Variants in ZNF695 observed in about 807,000 individuals in gnomAD.
The protein encoded by ZNF695 is zinc finger protein SBZF3.
ZNF695 carries 11 observed loss-of-function variants against 11.2 expected under a neutral mutation model. That is an observed-to-expected ratio of 0.98 (90% CI 0.62 to 1.62). ZNF695 has a LOEUF of 1.62. ZNF695 is among the 40% of genes most tolerant of loss of function. The pLI is 0.00. For missense variants in ZNF695, 559 were observed against 590.5 expected, an observed-to-expected ratio of 0.95 and a Z score of 0.55; for synonymous variants, 190 against 201.4, an observed-to-expected ratio of 0.94 and a Z score of 0.48.
chr1:246,990,733 G>A (rs527910938), intron 3 of ZNF695, among the ~76,000 whole-genome samples: 56 of 152,104 alleles, frequency 3.7e-4, no homozygotes, highest in African/African-American at 1.3e-3. Flanking sequence ...AAGTCTTAAA[G>A]CATCCAAAAA....
At chr1:246,998,706 G>T (rs992281531) in intron 3 of ZNF695, among the ~76,000 whole-genome samples, 1 of 152,194 alleles carries the variant, frequency 6.6e-6, no homozygotes, top group African/African-American at 2.4e-5. Context: ...GGTGGCTCAC[G>T]CCTGTAATCC....
chr1:246,957,273 C>T lies in ZNF695; in HGVS notation c.488+10422G>A, dbSNP rs1572505505. On this transcript the variant is annotated intron_variant, in intron 5 of 5. Coordinates refer to the ZNF695 transcript ENST00000487338. Reference sequence around the variant, plus strand: ...TGGTGCACTCCTGTAGTCCCAGCTACTCGGGAGGCTGAGGCAGGAGAATCG... The same window carrying T: ...TGGTGCACTCCTGTAGTCCCAGCTATTCGGGAGGCTGAGGCAGGAGAATCG... Among the ~76,000 whole-genome samples, 4 of 151,904 alleles carry T rather than the reference C, an allele frequency of 2.6e-5. No homozygotes were observed. In the South Asian group the frequency reaches 8.3e-4, roughly 32 times the overall value.
intron 4 of ZNF695, among the ~76,000 whole-genome samples, chr1:246,971,821 G>C (rs983240619): frequency 6.6e-6 from 1 of 152,022 alleles, no homozygotes; most frequent in Non-Finnish European, 1.5e-5. Flanking sequence ...TTGTGCCCTT[G>C]GTCTCTTGCC....
At chr1:246,945,697 A>C in exon 6 of ZNF695, 1 of 1,274,424 alleles carries the variant, frequency 7.8e-7, no homozygotes, top group Admixed American at 2.1e-5. Flanking sequence ...GTTTTAATTC[A>C]GAACTCGGGC....
At chr1:247,003,572 C>T (rs1669451642) in intron 1 of ZNF695, among the ~76,000 whole-genome samples, 1 of 152,004 alleles carries the variant, frequency 6.6e-6, no homozygotes, top group Non-Finnish European at 1.5e-5. Context: ...AACAAACCTG[C>T]ACACATACTC....
At chr1:247,003,603 T>C (rs1450688733) in intron 1 of ZNF695, among the ~76,000 whole-genome samples, 1 of 152,100 alleles carries the variant, frequency 6.6e-6, no homozygotes, top group Non-Finnish European at 1.5e-5. Context: ...AAATAAACAT[T>C]GGAAAAGAAA....
intron 5 of ZNF695, chr1:246,945,971 C>T (rs1667724480): frequency 5.8e-6 from 6 of 1,035,456 alleles, no homozygotes; most frequent in African/African-American, 1.6e-5. Context: ...TTCAAATTCA[C>T]GCAGGTGTGA....
intron 5 of ZNF695, among the ~76,000 whole-genome samples, chr1:246,960,488 C>T (rs1378033298): frequency 6.6e-6 from 1 of 152,134 alleles, no homozygotes; most frequent in East Asian, 1.9e-4. Flanking sequence ...TACCTATGTT[C>T]TCTCTCTATA....
downstream of ZNF695, among the ~76,000 whole-genome samples, chr1:246,984,506 C>T (rs1187582137): frequency 1.3e-5 from 2 of 152,148 alleles, no homozygotes; most frequent in African/African-American, 2.4e-5. Context: ...GCCACAACTT[C>T]ACTCCAAAAA....
intron 5 of ZNF695, among the ~76,000 whole-genome samples, chr1:246,965,650 T>C (rs1668270783): frequency 6.6e-6 from 1 of 151,920 alleles, no homozygotes; most frequent in African/African-American, 2.4e-5. Flanking sequence ...TGCAGGAGAA[T>C]CGCTTGAACC....
chr1:246,972,686 A>C (rs555924893), intron 4 of ZNF695, among the ~76,000 whole-genome samples: 1 of 151,786 alleles, frequency 6.6e-6, no homozygotes, highest in South Asian at 2.1e-4. Context: ...CGCCCAGCTA[A>C]TTTTTGTATT....
At chr1:246,957,300 T>C (rs1313336662) in intron 5 of ZNF695, among the ~76,000 whole-genome samples, 2 of 151,836 alleles carry the variant, frequency 1.3e-5, no homozygotes, top group Admixed American at 6.6e-5. Context: ...GGAGAATCGC[T>C]TGAACTAGGG....
At position 246,949,447 on chromosome 1, in the gene ZNF695, C is replaced by T. The variant is rs995361769; in HGVS notation, c.489-3620G>A. Among the ~76,000 whole-genome samples, 27 of 152,062 alleles carry T rather than the reference C, an allele frequency of 1.8e-4. 1 individual carries two copies. The highest frequency in any genetic ancestry group is 1.6e-3 in the Admixed American group (25 of 15,254). On this transcript the variant is annotated intron_variant, in intron 5 of 5. Coordinates refer to the ZNF695 transcript ENST00000487338. ...CTCTACTAAAAAGACAAAAACTAGT[C>T]GGGCATGTTGGCACATGCCTTTAGT...
Position 246,988,140 on chromosome 1 carries a change from C to T in ZNF695, c.375G>A (p.Arg125=), listed in dbSNP as rs1413467254. The T allele has an allele frequency of 6.2e-7, 1 of 1,613,810 alleles. No homozygotes were observed. Among genetic ancestry groups the T allele is most frequent in the South Asian group, 1.1e-5 (1 of 91,038 alleles). ...ERCCLEKLRL[R]NDWEIVGEWK... ...ACTCACCCACAATTTCCCAGTCATTCCTTAAGCGTAATTTCTCAAGACAAC... is the reference window on the plus strand; with the variant it reads ...ACTCACCCACAATTTCCCAGTCATTTCTTAAGCGTAATTTCTCAAGACAAC... The change falls in exon 4 of 4, where the codon AGG becomes AGA. Residue 125 remains arginine, a synonymous_variant. Transcript: ENST00000339986.
At chr1:246,992,095 C>T (rs908508455) in intron 3 of ZNF695, among the ~76,000 whole-genome samples, 4 of 151,662 alleles carry the variant, frequency 2.6e-5, no homozygotes, top group African/African-American at 9.7e-5. Context: ...ACCCGGGAGG[C>T]GGAGCTTGCA....
rs186144424 is a variant in ZNF695 at position 247,007,390 on chromosome 1, G to A, written c.3+516C>T. On this transcript the variant is annotated intron_variant, in intron 1 of 3. Coordinates refer to ENST00000339986, the MANE Select transcript of ZNF695 (RefSeq NM_020394.5). Reference sequence around the variant, plus strand: ...GGGCGCCTGTAATTCCAGCTACTCGGGAGGCTGAGGCAGGAGAATCGCTTG... The same window carrying A: ...GGGCGCCTGTAATTCCAGCTACTCGAGAGGCTGAGGCAGGAGAATCGCTTG... 3.7e-3 allele frequency among the ~76,000 whole-genome samples: 561 copies of A among 151,680 alleles called. 2 individuals are homozygous for A. Among genetic ancestry groups the A allele is most frequent in the African/African-American group, 0.013 (532 of 41,338 alleles).
At chr1:246,953,499 T>G (rs1667917078) in intron 5 of ZNF695, among the ~76,000 whole-genome samples, 2 of 151,904 alleles carry the variant, frequency 1.3e-5, no homozygotes, top group Admixed American at 1.3e-4. Flanking sequence ...TAGTCCCAGC[T>G]ACTCGGGAGG....
downstream of ZNF695, among the ~76,000 whole-genome samples, chr1:246,982,465 T>C (rs574924136): frequency 6.6e-6 from 1 of 152,194 alleles, no homozygotes; most frequent in Non-Finnish European, 1.5e-5. Context: ...AAGATACATT[T>C]GCTCTTCAGA....
intron 3 of ZNF695, chr1:246,996,321 T>C: frequency 4.5e-6 from 1 of 221,542 alleles, no homozygotes; most frequent in Non-Finnish European, 9.1e-6. Context: ...GGCCATGCAC[T>C]CCAGCCTTGG....
Sources: gnomAD v4.1 joint callset for allele counts (sites outside exome capture counted in the v4.1 genomes callset) on GRCh38, gnomAD v4.1.1 for gene constraint, MANE v1.5 for transcripts, NCBI Gene and HGNC (gene_info 2026-07-23, HGNC 2026-07-21) for gene names.